BFSP1: variants seen among roughly 807,000 people sequenced by gnomAD.
BFSP1 encodes filensin.
BFSP1 carries 38 observed loss-of-function variants against 43.9 expected under a neutral mutation model. The observed-to-expected ratio is 0.87, with a 90% confidence interval of 0.67 to 1.14. The LOEUF (loss-of-function observed/expected upper bound fraction) is 1.14, where lower values mean the gene tolerates loss of function less well. BFSP1 is among the 50% of genes most tolerant of loss of function. The probability of loss-of-function intolerance (pLI) is 0.00; values close to 1 mark genes in which losing one functional copy is unlikely to be tolerated. For missense variants in BFSP1, 850 were observed against 875.1 expected (o/e 0.97, Z 0.36); for synonymous variants, 352 against 354.8 (o/e 0.99, Z 0.09).
intron 2 of BFSP1, chr20:17,517,182 A>T: frequency 1.2e-6 from 1 of 820,750 alleles, no homozygotes; most frequent in East Asian, 2.4e-5. Context: ...TGGCAAAATT[A>T]GTCACCTTCA....
At chr20:17,561,963 C>G (rs111497896), upstream of BFSP1, among the ~76,000 whole-genome samples, 1,341 of 152,058 alleles carry the variant, frequency 8.8e-3, 23 homozygotes, top group African/African-American at 0.028. Context: ...CACTGTCACC[C>G]AGGCTGGAGT....
At position 17,508,900 on chromosome 20, in the gene BFSP1, G is replaced by A. The variant is rs1225869587; in HGVS notation, c.724C>T (p.Leu242=). Residue 242 remains leucine, a synonymous_variant, in exon 5 of 8, where the codon CTG becomes TTG. Coordinates refer to ENST00000377873, the MANE Select transcript of BFSP1 (RefSeq NM_001195.5). ...AGACTCGAGCGTACCTGTGCCTGCA[G>A]CTCCACTCTCTGCGCCTGCAGGTGG... The part of the protein sequence containing the change: ...LSHLQAQRVE[L]QAQTTTLEQA... The A allele has an allele frequency of 6.3e-7, 1 of 1,598,808 alleles. No individual in the cohort carries two copies. The highest frequency in any genetic ancestry group is 1.1e-5 in the South Asian group (1 of 87,980).
At chr20:17,500,066 C>G (rs1354287323) in intron 5 of BFSP1, among the ~76,000 whole-genome samples, 1 of 152,072 alleles carries the variant, frequency 6.6e-6, no homozygotes. Context: ...TAAGATGCTA[C>G]CTTTATTGAA....
At chr20:17,554,352 C>T (rs1234053949) in intron 1 of BFSP1, among the ~76,000 whole-genome samples, 1 of 152,034 alleles carries the variant, frequency 6.6e-6, no homozygotes, top group Non-Finnish European at 1.5e-5. Context: ...AAAACATAGG[C>T]CTTCCTTGTG....
rs1477817721 is a variant in BFSP1 at position 17,520,128 on chromosome 20, G to A, written c.438+4720C>T. Among the ~76,000 whole-genome samples the A allele has an allele frequency of 2.0e-5, 3 of 151,802 alleles. No homozygotes were observed. In the East Asian group the frequency reaches 5.8e-4, roughly 29 times the overall value. ...GATCACAACACCTGGGAACGGATCA[G>A]AAATGCAAATACTCCAGCAGATGCC... On this transcript the variant is annotated intron_variant, in intron 2 of 7. Coordinates refer to ENST00000377873, the MANE Select transcript of BFSP1 (RefSeq NM_001195.5).
At chr20:17,520,210 G>GCCCCCCCCCCCCCCCCCCCCCCCCCCCCC (rs138070825) in intron 2 of BFSP1, among the ~76,000 whole-genome samples, 14 of 133,338 alleles carry the variant, frequency 1.0e-4, no homozygotes, top group East Asian at 2.1e-4. Context: ...GTTTTAACGT[G>GCCCCCCCCCCCCCCCCCCCCCCCCCCCCC]CCCCCCCACC....
intron 1 of BFSP1, among the ~76,000 whole-genome samples, chr20:17,536,639 T>C (rs1213658842): frequency 6.6e-6 from 1 of 152,264 alleles, no homozygotes; most frequent in African/African-American, 2.4e-5. Flanking sequence ...TAAAATAGGC[T>C]TAGATGTTTT....
At chr20:17,523,637 G>A (rs2034360132) in intron 2 of BFSP1, among the ~76,000 whole-genome samples, 1 of 149,720 alleles carries the variant, frequency 6.7e-6, no homozygotes, top group African/African-American at 2.5e-5. Context: ...CCATCTCTGT[G>A]TTTCTATCTA....
intron 1 of BFSP1, among the ~76,000 whole-genome samples, chr20:17,555,125 C>T (rs984111803): frequency 1.3e-5 from 2 of 151,294 alleles, no homozygotes; most frequent in Non-Finnish European, 2.9e-5. Flanking sequence ...AAAGTGAGAA[C>T]CTGTCTCTAC....
upstream of BFSP1, chr20:17,562,971 T>A (rs1310034181): frequency 6.6e-6 from 1 of 152,366 alleles, no homozygotes; most frequent in African/African-American, 2.4e-5. Context: ...CAACAAGACA[T>A]ACCTCATTTC....
intron 1 of BFSP1, among the ~76,000 whole-genome samples, chr20:17,552,275 T>C (rs2123583832): frequency 6.6e-6 from 1 of 152,196 alleles, no homozygotes; most frequent in South Asian, 2.1e-4. Context: ...AGAAAGAGCG[T>C]TCTAAACATG....
At chr20:17,514,267 C>T (rs2034150267) in intron 3 of BFSP1, among the ~76,000 whole-genome samples, 1 of 152,182 alleles carries the variant, frequency 6.6e-6, no homozygotes, top group Non-Finnish European at 1.5e-5. Flanking sequence ...CAGGGCCCCC[C>T]AGAATCAGGC....
chr20:17,527,601 G>A (rs771400793), intron 1 of BFSP1, among the ~76,000 whole-genome samples: 14 of 152,058 alleles, frequency 9.2e-5, no homozygotes, highest in Non-Finnish European at 1.8e-4. Flanking sequence ...GGTAGTGGGC[G>A]CCTGTAGTCC....
chr20:17,501,597 CAA>C (rs11476559), intron 5 of BFSP1, among the ~76,000 whole-genome samples: 14 of 70,208 alleles, frequency 2.0e-4, no homozygotes, highest in East Asian at 3.5e-4. Context: ...GAGACTCTGT[CAA>C]AAAAAAAAAA....
intron 1 of BFSP1, 45 bp downstream of exon 1, chr20:17,530,908 A>G: frequency 7.5e-7 from 1 of 1,333,332 alleles, no homozygotes; most frequent in Non-Finnish European, 9.6e-7. Flanking sequence ...CGCCGCCGGG[A>G]CGGCCCACGC....
chr20:17,503,120 C>A (rs977415367), intron 5 of BFSP1, among the ~76,000 whole-genome samples: 2 of 152,190 alleles, frequency 1.3e-5, no homozygotes, highest in Non-Finnish European at 2.9e-5. Flanking sequence ...ACATCCTGGG[C>A]TCAAGTGGTC....
At chr20:17,510,125 C>T (rs1187767012) in intron 4 of BFSP1, among the ~76,000 whole-genome samples, 1 of 152,208 alleles carries the variant, frequency 6.6e-6, no homozygotes, top group African/African-American at 2.4e-5. Flanking sequence ...CTTTCTCAAT[C>T]GGTGCTTCTC....
intron 1 of BFSP1, among the ~76,000 whole-genome samples, chr20:17,543,013 A>C (rs1360530035): frequency 6.6e-6 from 1 of 152,228 alleles, no homozygotes; most frequent in Non-Finnish European, 1.5e-5. Flanking sequence ...TCTCTGTTTC[A>C]GTGGAAAAGG....
intron 3 of BFSP1, among the ~76,000 whole-genome samples, chr20:17,513,427 C>T (rs926473908): frequency 1.3e-5 from 2 of 152,130 alleles, no homozygotes; most frequent in Non-Finnish European, 2.9e-5. Context: ...TCCTAAATGG[C>T]CTGGAAGAAT....
Sources: allele counts gnomAD v4.1 joint callset (sites outside exome capture counted in the v4.1 genomes callset), GRCh38; gene constraint gnomAD v4.1.1; transcripts MANE v1.5; gene names NCBI Gene and HGNC (gene_info 2026-07-23, HGNC 2026-07-21).